The following TAF3 variants were observed in gnomAD, a reference collection of about 807,000 sequenced individuals.
The protein encoded by TAF3 is TATA-box binding protein associated factor 3, also known as transcription initiation factor TFIID subunit 3.
In TAF3, 7 loss-of-function variants were observed where a neutral mutation model predicts 80.6. The ratio of observed to expected loss-of-function variants is 0.09; its 90% CI spans 0.05 to 0.16. TAF3 has a LOEUF of 0.16. Among genes scored for constraint, TAF3 ranks in the 10% least tolerant of loss-of-function variants. The pLI is 1.00. For missense variants in TAF3, 921 were observed against 1,140.2 expected (o/e 0.81, Z 2.77); for synonymous variants, 444 against 446.1 (o/e 1.00, Z 0.06).
At chr10:7,949,045 C>T (rs1360836416) in intron 2 of TAF3, among the ~76,000 whole-genome samples, 2 of 152,212 alleles carry the variant, frequency 1.3e-5, no homozygotes, top group East Asian at 3.9e-4. Context: ...CTGACAGCCG[C>T]TCTCGGGTCA....
chr10:7,938,562 A>G (rs938751242), intron 2 of TAF3, among the ~76,000 whole-genome samples: 3 of 152,226 alleles, frequency 2.0e-5, no homozygotes, highest in African/African-American at 7.2e-5. Context: ...TCAGACAAAA[A>G]AAAGAAAACG....
intron 2 of TAF3, among the ~76,000 whole-genome samples, chr10:7,861,808 G>A (rs76480652): frequency 6.6e-6 from 1 of 151,928 alleles, no homozygotes; most frequent in Admixed American, 6.6e-5. Context: ...CTCAATGCTT[G>A]GGAGTTACTG....
intron 4 of TAF3, among the ~76,000 whole-genome samples, chr10:8,008,281 T>G (rs1209708988): frequency 6.6e-6 from 1 of 151,968 alleles, no homozygotes; most frequent in Non-Finnish European, 1.5e-5. Flanking sequence ...TATTTTTTAG[T>G]AGAGACGGTG....
intron 2 of TAF3, among the ~76,000 whole-genome samples, chr10:7,867,141 C>G (rs913113550): frequency 1.5e-4 from 23 of 152,076 alleles, no homozygotes; most frequent in African/African-American, 5.5e-4. Context: ...CCCCTGTCAT[C>G]CCAGCTACTC....
chr10:7,985,892 T>C (rs1042131296), intron 4 of TAF3, among the ~76,000 whole-genome samples: 4 of 150,968 alleles, frequency 2.6e-5, no homozygotes, highest in Admixed American at 2.6e-4. Flanking sequence ...CAAGTGATTC[T>C]CCTGCCTTGG....
intron 2 of TAF3, among the ~76,000 whole-genome samples, chr10:7,867,264 CACACACAAAAA>C (rs1837223155): frequency 6.6e-6 from 1 of 151,970 alleles, no homozygotes; most frequent in East Asian, 1.9e-4. Flanking sequence ...CACACACACA[CACACACAAAAA>C]ACAAAAAACA....
At position 7,818,703 on chromosome 10, in the gene TAF3, C is replaced by T; in HGVS notation, c.-7C>T. ...AGCAAGGGCTGCGGTGGCGTCCACG[C>T]AGCGGGATGTGCGAGAGTTACTCCA... On this transcript the variant is annotated 5_prime_UTR_variant, in exon 1 of 7. Coordinates refer to ENST00000344293, the MANE Select transcript of TAF3 (RefSeq NM_031923.4). 1.2e-6 allele frequency: 2 copies of T among 1,603,184 alleles called. No homozygotes were observed. Among genetic ancestry groups the T allele is most frequent in the Non-Finnish European group, 8.5e-7 (1 of 1,176,254 alleles).
In TAF3 at chr10:7,868,134, G is replaced by A. The variant is rs190810940; in HGVS notation, c.409+43574G>A. On this transcript the variant is annotated intron_variant, in intron 2 of 6. Coordinates refer to ENST00000344293, the MANE Select transcript of TAF3 (RefSeq NM_031923.4). The stretch of plus-strand genomic sequence containing the variant: ...TGGGAGAAAATCCACATATAAGGGG[G>A]CATGTGTAGTTCAAAGCCATGTTGT... Among the ~76,000 whole-genome samples the A allele has an allele frequency of 6.6e-5, 10 of 152,164 alleles. No homozygotes were observed. In the East Asian group the frequency reaches 1.9e-3, roughly 29 times the overall value.
intron 2 of TAF3, among the ~76,000 whole-genome samples, chr10:7,853,223 T>TATA (rs1837046290): frequency 6.6e-6 from 1 of 152,218 alleles, no homozygotes. Context: ...GTGCTCAAAC[T>TATA]CCATCACTTT....
At chr10:7,839,060 C>G (rs545408972) in intron 2 of TAF3, among the ~76,000 whole-genome samples, 1 of 151,870 alleles carries the variant, frequency 6.6e-6, no homozygotes, top group Admixed American at 6.6e-5. Context: ...CCTACAGGGC[C>G]CTGTGTGATC....
chr10:7,908,258 C>A (rs1421630177), intron 2 of TAF3, among the ~76,000 whole-genome samples: 1 of 152,096 alleles, frequency 6.6e-6, no homozygotes, highest in African/African-American at 2.4e-5. Flanking sequence ...GATCTTTGAA[C>A]TGGAGGGGGC....
rs34163537 is a variant in TAF3, at chr10:7,845,959, G to GTT, written c.409+21416_409+21417dup. Among the ~76,000 whole-genome samples the GTT allele has an allele frequency of 8.5e-3, 1,112 of 130,904 alleles. 17 individuals are homozygous for GTT. Among genetic ancestry groups the GTT allele is most frequent in the African/African-American group, 0.022 (787 of 35,308 alleles). The allele number at this position is 130,904 out of a possible 152,430, so 85.9% of individuals were successfully genotyped here. A position where few individuals can be genotyped will look rare whatever the true frequency, so the allele number is the denominator to read the frequency against. Reference sequence around the variant, plus strand: ...AGGATGAAGTGGTTTGTGTGTTTTTGTTTTTTTTTTTTTTTTTTGAGGCAA... The same window carrying GTT: ...AGGATGAAGTGGTTTGTGTGTTTTTGTTTTTTTTTTTTTTTTTTTTGAGGCAA... On this transcript the variant is annotated intron_variant, in intron 2 of 6. Transcript: ENST00000344293.
intron 2 of TAF3, among the ~76,000 whole-genome samples, chr10:7,825,666 A>ATTTCGTTGTGTG (rs1836733475): frequency 6.6e-6 from 1 of 152,018 alleles, no homozygotes; most frequent in Non-Finnish European, 1.5e-5. Flanking sequence ...CTGTGTCGGG[A>ATTTCGTTGTGTG]TTTCGTTGTG....
At chr10:7,827,124 AGT>A (rs1458373488) in intron 2 of TAF3, among the ~76,000 whole-genome samples, 1 of 152,190 alleles carries the variant, frequency 6.6e-6, no homozygotes, top group Non-Finnish European at 1.5e-5. Context: ...GGAGCTGGCG[AGT>A]GTGCACACAT....
intron 2 of TAF3, among the ~76,000 whole-genome samples, chr10:7,963,198 C>G (rs2040570368): frequency 6.6e-6 from 1 of 152,164 alleles, no homozygotes; most frequent in African/African-American, 2.4e-5. Flanking sequence ...AAATACCTGT[C>G]ATTCCTGATA....
intron 2 of TAF3, among the ~76,000 whole-genome samples, chr10:7,959,138 T>TCACA (rs113376582): frequency 5.3e-5 from 8 of 149,876 alleles, no homozygotes; most frequent in African/African-American, 1.2e-4. Context: ...AGATTCTGTC[T>TCACA]CACACACACA....
chr10:7,920,145 TG>T (rs1237197264), intron 2 of TAF3, among the ~76,000 whole-genome samples: 5 of 152,034 alleles, frequency 3.3e-5, no homozygotes, highest in Admixed American at 2.6e-4. Flanking sequence ...CCCAGCTACT[TG>T]GGAGGCTGAA....
In TAF3 at chr10:7,964,206, T is replaced by C. The variant is rs757458726; in HGVS notation, c.696T>C (p.His232=). 17 of 1,614,186 alleles carry C rather than the reference T, an allele frequency of 1.1e-5. No homozygotes were observed. The Admixed American group carries it at 2.3e-4, about 22-fold the overall frequency. The change falls in exon 3 of 7, where the codon CAT becomes CAC. Residue 232 remains histidine (H), a synonymous_variant. Coordinates refer to ENST00000344293, the MANE Select transcript of TAF3 (RefSeq NM_031923.4). This position sits in a 1 kb window ranked among gnomAD's most constrained non-coding sequence, Gnocchi z 4.1. ...TCCCACCAATGCTTTCTCCAGTCCA[T>C]GTACAGGACAGTACAGACTTGGCAC... ...QKIPPMLSPV[H]VQDSTDLAPP... is the part of the protein sequence containing the mutation.
intron 2 of TAF3, among the ~76,000 whole-genome samples, chr10:7,921,604 T>C (rs941029521): frequency 1.3e-5 from 2 of 152,188 alleles, no homozygotes; most frequent in African/African-American, 4.8e-5. Flanking sequence ...TACACAGATA[T>C]ATTTGTGTGA....
Sources: gnomAD v4.1 joint callset for allele counts (sites outside exome capture counted in the v4.1 genomes callset) on GRCh38, gnomAD v4.1.1 for gene constraint, Gnocchi (gnomAD v3.1) non-coding constraint, MANE v1.5 for transcripts, NCBI Gene and HGNC (gene_info 2026-07-23, HGNC 2026-07-21) for gene names.